Variants in PRRT4 observed in about 807,000 individuals in gnomAD.
PRRT4 encodes the protein proline-rich transmembrane protein 4.
Under a neutral mutation model 55.6 loss-of-function variants are expected in PRRT4, and 59 were observed. The observed-to-expected ratio is 1.06, with a 90% CI of 0.86 to 1.32. The LOEUF is 1.32. PRRT4 is among the 40% of genes most tolerant of loss of function. The pLI is 0.00. For synonymous variants in PRRT4, 606 were observed against 601.8 expected (o/e 1.01, Z -0.10); for missense variants, 1,217 against 1,222.0 (o/e 1.00, Z 0.06).
intron 1 of PRRT4, 123 bp downstream of exon 2, chr7:128,361,183 C>CACACAGAG (rs1797247884): frequency 6.5e-6 from 1 of 153,250 alleles, no homozygotes; most frequent in African/African-American, 2.4e-5. Flanking sequence ...CACACATTCA[C>CACACAGAG]ACACACAGAC....
At chr7:128,350,624 C>G (rs149695561), downstream of PRRT4, 141 of 635,668 alleles carry the variant, frequency 2.2e-4, no homozygotes, top group African/African-American at 2.3e-3. Flanking sequence ...CCCCTGCCAA[C>G]CTAGATTTGC....
At position 128,352,032 on chromosome 7, in the gene PRRT4, GA is replaced by G; in HGVS notation, c.1523del (p.Phe508SerfsTer63). 1 of 1,301,392 alleles carries G rather than the reference GA, an allele frequency of 7.7e-7. No individual in the cohort carries two copies. The highest frequency in any genetic ancestry group is 9.8e-7 in the Non-Finnish European group (1 of 1,020,908). 80.6% of individuals were successfully genotyped at this position (1,301,392 alleles called of 1,614,324 possible). On this transcript the variant is annotated frameshift_variant, in exon 5 of 5. Transcript: ENST00000535159. LOFTEE classifies it high-confidence loss of function. Reference sequence around the variant, plus strand: ...AGAGCGCCAGCAGCAGCCCGGAAAGGAAAGCGGCGAGAAAGGCGTGCAGCCC... The same window carrying G: ...AGAGCGCCAGCAGCAGCCCGGAAAGGAAGCGGCGAGAAAGGCGTGCAGCCC...
In PRRT4 at chr7:128,359,851, C is replaced by A. The variant is rs1029743459; in HGVS notation, c.141G>T (p.Met47Ile). The A allele has an allele frequency of 1.8e-5, 27 of 1,494,506 alleles. No homozygotes were observed. In the Admixed American group the frequency reaches 6.0e-4, roughly 33 times the overall value. The allele number at this position is 1,494,506 out of a possible 1,614,324, so 92.6% of individuals were successfully genotyped here. The change falls in exon 2 of 5, where the codon ATG becomes ATT. Residue 47 changes from methionine to isoleucine, a missense_variant. Physicochemically the swap from Met to Ile is conservative, Grantham distance 10. Transcript: ENST00000535159. ...AGTTAAGTCCCAGGTTGAGAGACAG[C>A]ATAGAGGCCTCACTTTGAGGTACGG... is the stretch of plus-strand genomic sequence containing the variant.
Position 128,358,630 on chromosome 7 carries a change from TAGTA to T in PRRT4, c.877+47_877+50del. The stretch of plus-strand genomic sequence containing the variant: ...AGAACACTGATGAGTGACTAGCATG[TAGTA>T]AGTGCTCAATAAATAATTGTCAAGT... On this transcript the variant is annotated intron_variant, in intron 4 of 4. Transcript: ENST00000535159. The surrounding 1 kb of genome is among the most constrained non-coding windows in gnomAD (Gnocchi z 4.4). The T allele has an allele frequency of 1.4e-6, 2 of 1,479,234 alleles. No individual in the cohort carries two copies. The highest frequency in any genetic ancestry group is 1.8e-6 in the Non-Finnish European group (2 of 1,082,508). The allele number at this position is 1,479,234 out of a possible 1,614,324, so 91.6% of individuals were successfully genotyped here.
At chr7:128,350,973 G>A (rs1220517192) in exon 5 of PRRT4, 1 of 1,551,108 alleles carries the variant, frequency 6.4e-7, no homozygotes, top group South Asian at 1.2e-5. Context: ...GCTCTGGGGA[G>A]TCGCGAGAGG....
chr7:128,351,629 C>A, exon 5 of PRRT4: 1 of 1,514,180 alleles, frequency 6.6e-7, no homozygotes, highest in Non-Finnish European at 8.8e-7. Context: ...GCCGCGTGGC[C>A]CGGGGACAAG....
chr7:128,359,635 G>A, exon 2 of PRRT4: 1 of 1,540,912 alleles, frequency 6.5e-7, no homozygotes. Flanking sequence ...GGGGCTTTGA[G>A]CCACCTTCGG....
downstream of PRRT4, chr7:128,350,483 T>G (rs1584675426): frequency 7.2e-6 from 1 of 139,662 alleles, no homozygotes; most frequent in Non-Finnish European, 1.3e-5. Flanking sequence ...CAGAGGTGGG[T>G]AGGGGGGCCT....
Position 128,357,236 on chromosome 7 carries a change from ACTCTCTCTCT to A in PRRT4, c.877+1435_877+1444del, listed in dbSNP as rs60699919. Among the ~76,000 whole-genome samples the A allele has an allele frequency of 1.3e-3, 183 of 140,876 alleles. 2 individuals are homozygous for A. In the East Asian group the frequency reaches 0.013, roughly 10 times the overall value. 92.4% of individuals were successfully genotyped at this position (140,876 alleles called of 152,430 possible). ...CACACACACACACACACACACACAC[ACTCTCTCTCT>A]CTCTCTCTCTCTCTCTCTCTCTGCT... On this transcript the variant is annotated intron_variant, in intron 4 of 4. Coordinates refer to ENST00000535159, the Ensembl canonical transcript of PRRT4.
intron 4 of PRRT4, among the ~76,000 whole-genome samples, chr7:128,354,505 A>G (rs1797069025): frequency 6.6e-6 from 1 of 152,042 alleles, no homozygotes; most frequent in Non-Finnish European, 1.5e-5. Flanking sequence ...CGGAGGTTGC[A>G]GTAAGCAGAG....
rs1046583278 is a variant in PRRT4, at chr7:128,356,093, T to C, written c.877+2588A>G. Reference sequence around the variant, plus strand: ...GGCCAACATGGTGAAACCCGACTCTTACTAAAAATACAAAAATTAGCTGGG... The same window carrying C: ...GGCCAACATGGTGAAACCCGACTCTCACTAAAAATACAAAAATTAGCTGGG... On this transcript the variant is annotated intron_variant, in intron 4 of 4. Transcript: ENST00000535159. Among the ~76,000 whole-genome samples, 10 of 151,956 alleles carry C rather than the reference T, an allele frequency of 6.6e-5. 1 individual carries two copies. The highest frequency in any genetic ancestry group is 2.4e-4 in the African/African-American group (10 of 41,442).
At chr7:128,361,101 T>TCACACACACACA (rs1318199009) in intron 1 of PRRT4, among the ~76,000 whole-genome samples, 2 of 118,246 alleles carry the variant, frequency 1.7e-5, no homozygotes, top group Non-Finnish European at 3.4e-5. Context: ...TCTCTCTCTC[T>TCACACACACACA]CTCACACACA....
At chr7:128,351,575 C>T (rs1333315265) in exon 5 of PRRT4, 4 of 1,501,008 alleles carry the variant, frequency 2.7e-6, no homozygotes, top group Middle Eastern at 2.1e-4. Flanking sequence ...CCCAGGGGCT[C>T]CTTGTCTGGG....
chr7:128,352,509 C>T (rs1448594750), exon 5 of PRRT4: 1 of 1,542,654 alleles, frequency 6.5e-7, no homozygotes. Context: ...CCCAGTCGGC[C>T]TCCAGGGTCA....
chr7:128,352,111 G>C, exon 5 of PRRT4: 2 of 1,159,614 alleles, frequency 1.7e-6, no homozygotes, highest in Non-Finnish European at 2.1e-6. Context: ...GCTCCCGAGG[G>C]CGGCGGCGGC....
At chr7:128,359,520 C>T in exon 2 of PRRT4, 1 of 1,475,944 alleles carries the variant, frequency 6.8e-7, no homozygotes, top group Non-Finnish European at 9.0e-7. Flanking sequence ...ACCATCAGAG[C>T]AGTGTCCCAG....
chr7:128,361,107 A>T (rs868237404), intron 1 of PRRT4, among the ~76,000 whole-genome samples, 199 bp downstream of exon 2: 3,648 of 123,610 alleles, frequency 0.03, 55 homozygotes, highest in Middle Eastern at 0.038. Flanking sequence ...TCTCTCTCAC[A>T]CACACACACA....
At chr7:128,361,120 C>A (rs1212119068) in intron 1 of PRRT4, among the ~76,000 whole-genome samples, 186 bp downstream of exon 2, 1 of 151,138 alleles carries the variant, frequency 6.6e-6, no homozygotes, top group East Asian at 2.0e-4. Flanking sequence ...CACACACACA[C>A]ACACACACAC....
chr7:128,361,731 T>TCTC (rs775740611), upstream of PRRT4: 144 of 149,550 alleles, frequency 9.6e-4, 1 homozygote, highest in South Asian at 4.3e-3. Flanking sequence ...CCGCGCCCTC[T>TCTC]CTCCTCCTCC....
Sources: allele counts gnomAD v4.1 joint callset (sites outside exome capture counted in the v4.1 genomes callset), GRCh38; gene constraint gnomAD v4.1.1; non-coding constraint Gnocchi (gnomAD v3.1); transcripts MANE v1.5; gene names NCBI Gene and HGNC (gene_info 2026-07-23, HGNC 2026-07-21).